The following PALMD variants were observed in gnomAD, a reference collection of about 807,000 sequenced individuals.
PALMD encodes palmdelphin.
PALMD carries 42 observed loss-of-function variants against 56.2 expected under a neutral mutation model. That is an observed-to-expected ratio of 0.75 (90% confidence interval 0.58 to 0.97). PALMD has a LOEUF of 0.97. PALMD is among the 50% of genes least tolerant of loss of function. PALMD has a pLI of 0.00. For missense variants in PALMD, 660 were observed against 643.8 expected, an observed-to-expected ratio of 1.03 and a Z score of -0.27; for synonymous variants, 242 against 222.9, an observed-to-expected ratio of 1.09 and a Z score of -0.76.
At chr1:99,675,668 A>G (rs1653184049) in intron 3 of PALMD, among the ~76,000 whole-genome samples, 1 of 152,218 alleles carries the variant, frequency 6.6e-6, no homozygotes, top group Admixed American at 6.5e-5. Flanking sequence ...ATCAACCTTG[A>G]GACTATATGT....
At position 99,655,343 on chromosome 1, in the gene PALMD, C is replaced by T. The variant is rs1652698218; in HGVS notation, c.46-6976C>T. On this transcript the variant is annotated intron_variant, in intron 1 of 7. Transcript: ENST00000263174. ...TAATAAATGTTATTATTAAAACCGT[C>T]TTAACCTTCATCATCTGCAGATCTT... is the stretch of plus-strand genomic sequence containing the variant. Among the ~76,000 whole-genome samples the T allele has an allele frequency of 2.0e-5, 3 of 151,936 alleles. No individual in the cohort carries two copies. In the South Asian group the frequency reaches 6.3e-4, roughly 32 times the overall value.
intron 1 of PALMD, among the ~76,000 whole-genome samples, chr1:99,655,287 A>G (rs1652697056): frequency 1.3e-5 from 2 of 152,170 alleles, no homozygotes; most frequent in South Asian, 4.1e-4. Flanking sequence ...TGAGTCTTAG[A>G]TGATAAATAA....
chr1:99,686,641 G>A, intron 3 of PALMD, 35 bp from the exon 4 acceptor site: 1 of 1,093,548 alleles, frequency 9.1e-7, no homozygotes, highest in Non-Finnish European at 1.4e-6. Flanking sequence ...TTTGTACTGT[G>A]TTAAGCAATA....
In PALMD at chr1:99,689,491, G is replaced by A; in HGVS notation, c.1231G>A (p.Glu411Lys). ...CCTGCCTCCAGACATAAATGATACA[G>A]AACCGGTGACAATGATTTTCATGGG... ...HSLPPDINDT[E>K]PVTMIFMGYQ... is the part of the protein sequence containing the mutation. Residue 411 changes from glutamate to lysine, a missense_variant, in exon 7 of 8, where the codon GAA becomes AAA. By Grantham distance (56) the Glu-to-Lys change is moderately conservative. Coordinates refer to ENST00000263174, the MANE Select transcript of PALMD (RefSeq NM_017734.5). The A allele has an allele frequency of 6.2e-7, 1 of 1,613,814 alleles. No homozygotes were observed. The highest frequency in any genetic ancestry group is 8.5e-7 in the Non-Finnish European group (1 of 1,179,850).
At chr1:99,661,771 C>T (rs1211225278) in intron 1 of PALMD, among the ~76,000 whole-genome samples, 2 of 152,112 alleles carry the variant, frequency 1.3e-5, no homozygotes, top group Non-Finnish European at 2.9e-5. Context: ...GAGCTAAAAG[C>T]CTTCTTAGTG....
At chr1:99,682,431 C>A (rs6679772) in intron 3 of PALMD, among the ~76,000 whole-genome samples, 2 of 151,988 alleles carry the variant, frequency 1.3e-5, no homozygotes, top group African/African-American at 4.8e-5. Flanking sequence ...GAGACCACAG[C>A]GACTTATTAA....
chr1:99,669,246 A>G (rs949203991), intron 3 of PALMD: 3 of 152,178 alleles, frequency 2.0e-5, no homozygotes, highest in Admixed American at 6.5e-5. Flanking sequence ...GATGTTTTTG[A>G]AATTAACAAT....
At chr1:99,658,556 G>C (rs1484179886) in intron 1 of PALMD, among the ~76,000 whole-genome samples, 2 of 152,016 alleles carry the variant, frequency 1.3e-5, no homozygotes, top group Non-Finnish European at 2.9e-5. Flanking sequence ...CGGATCACGA[G>C]GTCAGGAGAT....
chr1:99,673,608 T>G (rs1653137597), intron 3 of PALMD, among the ~76,000 whole-genome samples: 1 of 152,224 alleles, frequency 6.6e-6, no homozygotes, highest in African/African-American at 2.4e-5. Flanking sequence ...TGTTTTTCAC[T>G]CTCCATATTT....
intron 3 of PALMD, chr1:99,684,283 T>C (rs184702409): frequency 6.6e-6 from 1 of 152,194 alleles, no homozygotes; most frequent in African/African-American, 2.4e-5. Flanking sequence ...GGAAAAAAGA[T>C]GAATAAGAAA....
chr1:99,689,265 A>G lies in PALMD; in HGVS notation c.1005A>G (p.Gln335=), dbSNP rs893409628. The G allele has an allele frequency of 4.3e-6, 7 of 1,613,526 alleles. No homozygotes were observed. The African/African-American group carries it at 6.7e-5, about 15-fold the overall frequency. ...CTCATCCCCGATCAGTGATTCAACAAGCAGAAGAGAAGCTTCACACCCCGC... is the reference window on the plus strand; with the variant it reads ...CTCATCCCCGATCAGTGATTCAACAGGCAGAAGAGAAGCTTCACACCCCGC... The part of the protein sequence containing the change: ...PVPHPRSVIQ[Q]AEEKLHTPQK... The change falls in exon 7 of 8, where the codon CAA becomes CAG. Residue 335 remains glutamine (Q), a synonymous_variant. Transcript: ENST00000263174.
chr1:99,679,171 C>T (rs75454387), intron 3 of PALMD, among the ~76,000 whole-genome samples: 5,579 of 152,056 alleles, frequency 0.037, 285 homozygotes, highest in African/African-American at 0.12. Context: ...GCTACTGAAA[C>T]GCAAGTAATT....
chr1:99,683,121 A>G (rs990812984), intron 3 of PALMD: 2 of 122,664 alleles, frequency 1.6e-5, no homozygotes, highest in African/African-American at 4.3e-5. Context: ...AAAGAAAGAA[A>G]GAAAGAAAGA....
rs112500557 is a variant in PALMD at position 99,675,880 on chromosome 1, T to C, written c.251+8114T>C. 7.3e-3 allele frequency among the ~76,000 whole-genome samples: 1,110 copies of C among 152,286 alleles called. 15 individuals carry two copies. The highest frequency in any genetic ancestry group is 0.026 in the African/African-American group (1,067 of 41,560). On this transcript the variant is annotated intron_variant, in intron 3 of 7. Coordinates refer to ENST00000263174, the MANE Select transcript of PALMD (RefSeq NM_017734.5). The stretch of plus-strand genomic sequence containing the variant: ...GCATGCCTACACGGCAGTTTCAAAT[T>C]AGGATACTATCATCTGCCCATAAGA...
rs371472743 is a variant in PALMD at position 99,671,997 on chromosome 1, AT to A, written c.251+4236del. Among the ~76,000 whole-genome samples, 29 of 152,334 alleles carry A rather than the reference AT, an allele frequency of 1.9e-4. 1 individual carries two copies. The South Asian group carries it at 5.4e-3, about 28-fold the overall frequency. ...GCTGTAAACTCTATACTTTTATAGC[AT>A]TTTTAAGTTTCCAATCTATGCTACA... is the stretch of plus-strand genomic sequence containing the variant. On this transcript the variant is annotated intron_variant, in intron 3 of 7. Coordinates refer to ENST00000263174, the MANE Select transcript of PALMD (RefSeq NM_017734.5).
intron 1 of PALMD, among the ~76,000 whole-genome samples, chr1:99,659,900 T>C (rs1275992882): frequency 6.6e-6 from 1 of 152,206 alleles, no homozygotes; most frequent in Non-Finnish European, 1.5e-5. Flanking sequence ...AACCCTTGTA[T>C]AAGCCTGGTG....
intron 1 of PALMD, among the ~76,000 whole-genome samples, chr1:99,652,713 AAG>A (rs1652622966): frequency 1.0e-5 from 1 of 97,036 alleles, no homozygotes; most frequent in Non-Finnish European, 2.3e-5. Flanking sequence ...AAGAAAAGAA[AAG>A]AAAAGAAAAG....
chr1:99,667,836 G>A, intron 3 of PALMD, 70 bp downstream of exon 3: 1 of 1,364,670 alleles, frequency 7.3e-7, no homozygotes, highest in Non-Finnish European at 1.0e-6. Context: ...GCATAGACAT[G>A]CCATTCTCAC....
intron 1 of PALMD, among the ~76,000 whole-genome samples, chr1:99,657,719 G>C (rs138187583): frequency 2.6e-5 from 4 of 152,052 alleles, no homozygotes; most frequent in Admixed American, 6.6e-5. Context: ...ATCCTCACCT[G>C]GTTGTTCTTA....
Sources: gnomAD v4.1 joint callset for allele counts (sites outside exome capture counted in the v4.1 genomes callset) on GRCh38, gnomAD v4.1.1 for gene constraint, MANE v1.5 for transcripts, NCBI Gene and HGNC (gene_info 2026-07-23, HGNC 2026-07-21) for gene names.